ADAMTS9: variants seen among roughly 807,000 people sequenced by gnomAD.
ADAMTS9 encodes ADAM metallopeptidase with thrombospondin type 1 motif 9, also known as A disintegrin and metalloproteinase with thrombospondin motifs 9.
Under a neutral mutation model 257.1 loss-of-function variants are expected in ADAMTS9, and 107 were observed. The ratio of observed to expected loss-of-function variants is 0.42; its 90% CI spans 0.36 to 0.49. The LOEUF is 0.49. ADAMTS9 is among the 20% of genes least tolerant of loss of function. The pLI is 0.03. For missense variants in ADAMTS9, 2,353 were observed against 2,469.1 expected (o/e 0.95, Z 1.00); for synonymous variants, 982 against 880.9 (o/e 1.11, Z -2.03).
At chr3:64,682,384 G>T (rs1014274104) in intron 2 of ADAMTS9, among the ~76,000 whole-genome samples, 10 of 152,136 alleles carry the variant, frequency 6.6e-5, no homozygotes, top group African/African-American at 9.7e-5. Flanking sequence ...GATAAAATTT[G>T]CTCTTACTAA....
At chr3:64,616,570 A>T (rs530204215) in intron 19 of ADAMTS9, among the ~76,000 whole-genome samples, 12 of 152,312 alleles carry the variant, frequency 7.9e-5, no homozygotes, top group South Asian at 6.2e-4. Context: ...ATACACTTTA[A>T]AATTAGATTT....
At chr3:64,572,297 C>A (rs146085834) in intron 28 of ADAMTS9, among the ~76,000 whole-genome samples, 71 of 152,252 alleles carry the variant, frequency 4.7e-4, no homozygotes, top group African/African-American at 1.7e-3. Flanking sequence ...TGTGTTAACA[C>A]TTTTCACTAA....
rs1055466469 is a variant in ADAMTS9 at position 64,592,915 on chromosome 3, G to A, written c.4356+1343C>T. Among the ~76,000 whole-genome samples the A allele has an allele frequency of 3.9e-5, 6 of 152,020 alleles. No individual in the cohort carries two copies. In the South Asian group the frequency reaches 6.2e-4, roughly 16 times the overall value. ...CAATGAGCTTAAGAGGGAATTTCAC[G>A]AAAAATAATATATAATAGGAGATGA... On this transcript the variant is annotated intron_variant, in intron 28 of 39. Transcript: ENST00000498707.
chr3:64,667,182 A>G (rs888310067), intron 3 of ADAMTS9, among the ~76,000 whole-genome samples: 1 of 152,192 alleles, frequency 6.6e-6, no homozygotes, highest in Non-Finnish European at 1.5e-5. Flanking sequence ...TGTTTCCATG[A>G]GAGTGGTTTA....
chr3:64,541,638 CA>C lies in ADAMTS9; in HGVS notation c.5198-19del. The C allele has an allele frequency of 6.2e-7, 1 of 1,601,748 alleles. No individual in the cohort carries two copies. Among genetic ancestry groups the C allele is most frequent in the South Asian group, 1.1e-5 (1 of 90,656 alleles). On this transcript the variant is annotated intron_variant, in intron 33 of 39. Transcript: ENST00000498707. ...TAACTCACCTAGAAAACACCAATCA[CA>C]AAAAATAGGGTGTGATGATCCGAGA...
intron 20 of ADAMTS9, 128 bp downstream of exon 20, chr3:64,615,832 C>T: frequency 9.1e-6 from 10 of 1,103,170 alleles, no homozygotes; most frequent in Non-Finnish European, 5.4e-6. Context: ...TGAATGGGGT[C>T]AGGCATTACA....
chr3:64,558,299 T>C (rs2083368747), intron 30 of ADAMTS9, among the ~76,000 whole-genome samples: 1 of 152,194 alleles, frequency 6.6e-6, no homozygotes, highest in African/African-American at 2.4e-5. Context: ...TTAACCTACC[T>C]AAGCCGCAAG....
At position 64,655,599 on chromosome 3, in the gene ADAMTS9, A is replaced by G; in HGVS notation, c.1146T>C (p.His382=). ...ACCTTGTTAAGAGAACAGCAGTATC[A>G]TGATGGATTCCACCTGGACTGTTCT... ...HSKNSPGGIH[H]DTAVLLTRQD... is the part of the protein sequence containing the mutation. The change falls in exon 6 of 40, where the codon CAT becomes CAC. Residue 382 remains histidine (H), a synonymous_variant. Coordinates refer to ENST00000498707, the MANE Select transcript of ADAMTS9 (RefSeq NM_182920.2). The G allele has an allele frequency of 2.5e-6, 4 of 1,613,926 alleles. No homozygotes were observed. Among genetic ancestry groups the G allele is most frequent in the Non-Finnish European group, 2.5e-6 (3 of 1,179,778 alleles).
chr3:64,618,340 T>C lies in ADAMTS9; in HGVS notation c.2814-2170A>G, dbSNP rs1576123228. 4.6e-5 allele frequency among the ~76,000 whole-genome samples: 7 copies of C among 152,286 alleles called. No individual in the cohort carries two copies. The South Asian group carries it at 1.4e-3, about 32-fold the overall frequency. Reference sequence around the variant, plus strand: ...CTGTCCTTGTTTGGTCTGAGTAGAGTACATATAAAAGTTAAGTGTCAAAAA... The same window carrying C: ...CTGTCCTTGTTTGGTCTGAGTAGAGCACATATAAAAGTTAAGTGTCAAAAA... On this transcript the variant is annotated intron_variant, in intron 19 of 39. Transcript: ENST00000498707.
chr3:64,598,109 C>T (rs573080360), intron 26 of ADAMTS9, among the ~76,000 whole-genome samples: 3 of 152,308 alleles, frequency 2.0e-5, no homozygotes, highest in East Asian at 3.9e-4. Flanking sequence ...GTTAATTTCC[C>T]TGCCCATGCT....
At chr3:64,568,705 C>A in intron 28 of ADAMTS9, 170 bp from the exon 29 acceptor site, 3 of 707,066 alleles carry the variant, frequency 4.2e-6, no homozygotes, top group South Asian at 2.1e-5. Flanking sequence ...AGGAAGGTGG[C>A]ATTGAAAAAA....
intron 11 of ADAMTS9, among the ~76,000 whole-genome samples, chr3:64,644,057 A>C (rs1434742870): frequency 6.6e-6 from 1 of 152,194 alleles, no homozygotes; most frequent in African/African-American, 2.4e-5. Context: ...AATTATTTGG[A>C]GTATAACATG....
intron 16 of ADAMTS9, among the ~76,000 whole-genome samples, chr3:64,627,333 C>T (rs115042073): frequency 2.6e-5 from 4 of 151,836 alleles, no homozygotes; most frequent in African/African-American, 4.8e-5. Flanking sequence ...ATTCCTCTTA[C>T]GATCTGCCGT....
intron 31 of ADAMTS9, 158 bp downstream of exon 31, chr3:64,550,734 G>A: frequency 1.2e-6 from 1 of 831,142 alleles, no homozygotes; most frequent in Non-Finnish European, 1.8e-6. Flanking sequence ...TCTAGCTTGG[G>A]AAAGCTGAGG....
chr3:64,685,470 C>G (rs887092135), intron 2 of ADAMTS9: 1 of 152,352 alleles, frequency 6.6e-6, no homozygotes, highest in East Asian at 1.9e-4. Context: ...GAGAGACTGA[C>G]CCGGGAAAGT....
rs776171458 is a variant in ADAMTS9, at chr3:64,654,335, T to C, written c.1316+18A>G. On this transcript the variant is annotated intron_variant, in intron 8 of 39. Coordinates refer to ENST00000498707, the MANE Select transcript of ADAMTS9 (RefSeq NM_182920.2). ...TAGGTCACTCCAAATTAAATGAAAT[T>C]ACTGAAAGGTAACTCACACATGGCC... 1 of 1,602,324 alleles carries C rather than the reference T, an allele frequency of 6.2e-7. No homozygotes were observed. Among genetic ancestry groups the C allele is most frequent in the Non-Finnish European group, 8.5e-7 (1 of 1,174,122 alleles).
intron 39 of ADAMTS9, among the ~76,000 whole-genome samples, chr3:64,518,967 G>C (rs543416021): frequency 6.6e-6 from 1 of 151,798 alleles, no homozygotes; most frequent in East Asian, 1.9e-4. Flanking sequence ...TAGTAGAGAT[G>C]GGGTTTCACC....
intron 12 of ADAMTS9, among the ~76,000 whole-genome samples, chr3:64,641,163 T>C (rs182480673): frequency 6.6e-6 from 1 of 152,224 alleles, no homozygotes; most frequent in African/African-American, 2.4e-5. Context: ...AGAAGGAATA[T>C]ATTAGTCTAC....
intron 3 of ADAMTS9, among the ~76,000 whole-genome samples, chr3:64,659,376 G>A (rs1219169000): frequency 6.6e-6 from 1 of 151,274 alleles, no homozygotes; most frequent in Non-Finnish European, 1.5e-5. Flanking sequence ...GCTGACGCAC[G>A]AGAATTGCTT....
Sources: allele counts gnomAD v4.1 joint callset (sites outside exome capture counted in the v4.1 genomes callset), GRCh38; gene constraint gnomAD v4.1.1; transcripts MANE v1.5; gene names NCBI Gene and HGNC (gene_info 2026-07-23, HGNC 2026-07-21).